Variants in KCNN2 observed in about 807,000 individuals in gnomAD.
KCNN2 encodes small conductance calcium-activated potassium channel protein 2.
Under a neutral mutation model 55.5 loss-of-function variants are expected in KCNN2, and 24 were observed. That is an observed-to-expected ratio of 0.43 (90% confidence interval 0.31 to 0.61). KCNN2 has a LOEUF of 0.61. Among genes scored for constraint, KCNN2 ranks in the 20% least tolerant of loss-of-function variants. KCNN2 has a pLI of 0.08. For missense variants in KCNN2, 754 were observed against 853.6 expected (o/e 0.88, Z 1.45); for synonymous variants, 431 against 336.1 (o/e 1.28, Z -3.09).
chr5:114,202,092 C>T (rs781605842), intron 1 of KCNN2, among the ~76,000 whole-genome samples: 3 of 152,036 alleles, frequency 2.0e-5, no homozygotes, highest in Non-Finnish European at 4.4e-5. Flanking sequence ...TTCCTGCCTC[C>T]GTGGAGGAAT....
At chr5:114,479,712 A>G (rs1346966113) in intron 5 of KCNN2, among the ~76,000 whole-genome samples, 1 of 152,170 alleles carries the variant, frequency 6.6e-6, no homozygotes, top group East Asian at 1.9e-4. Flanking sequence ...TTAGAACACA[A>G]GATCAAGAAT....
At chr5:114,191,855 C>T (rs1753457116) in intron 1 of KCNN2, among the ~76,000 whole-genome samples, 1 of 152,144 alleles carries the variant, frequency 6.6e-6, no homozygotes, top group Non-Finnish European at 1.5e-5. Context: ...TTCCTTTGAG[C>T]CATTCACCAT....
intron 2 of KCNN2, among the ~76,000 whole-genome samples, chr5:114,372,156 G>A (rs1308683519): frequency 6.6e-6 from 1 of 152,154 alleles, no homozygotes; most frequent in African/African-American, 2.4e-5. Context: ...CGTTTAAATT[G>A]GTGCTAGATT....
At chr5:114,276,476 A>T (rs1755490024) in intron 2 of KCNN2, among the ~76,000 whole-genome samples, 1 of 151,974 alleles carries the variant, frequency 6.6e-6, no homozygotes, top group Non-Finnish European at 1.5e-5. Flanking sequence ...GTCTCTTTTT[A>T]GGTCTCTAAG....
At chr5:114,399,786 G>A (rs1758728953) in intron 2 of KCNN2, among the ~76,000 whole-genome samples, 1 of 152,014 alleles carries the variant, frequency 6.6e-6, no homozygotes, top group Admixed American at 6.6e-5. Flanking sequence ...TTTGGAACTT[G>A]TTATTGGTCT....
chr5:114,378,054 T>A (rs1757995301), intron 2 of KCNN2, among the ~76,000 whole-genome samples: 1 of 152,174 alleles, frequency 6.6e-6, no homozygotes, highest in African/African-American at 2.4e-5. Flanking sequence ...AGCTGAAAGT[T>A]CTCGTAAGAG....
intron 2 of KCNN2, among the ~76,000 whole-genome samples, chr5:114,276,800 C>T (rs1755498748): frequency 1.3e-5 from 2 of 151,938 alleles, no homozygotes; most frequent in South Asian, 4.2e-4. Context: ...ATTTGCTTGT[C>T]AGTGTCTTTT....
At chr5:114,291,844 C>T (rs1755896137) in intron 2 of KCNN2, among the ~76,000 whole-genome samples, 1 of 152,182 alleles carries the variant, frequency 6.6e-6, no homozygotes, top group Non-Finnish European at 1.5e-5. Flanking sequence ...ACATCCTCTC[C>T]AGCACCTATT....
At chr5:114,360,456 A>C (rs1180734430), upstream of KCNN2, among the ~76,000 whole-genome samples, 1 of 152,224 alleles carries the variant, frequency 6.6e-6, no homozygotes, top group East Asian at 1.9e-4. Flanking sequence ...AACTCGTTGT[A>C]ATAGTCTTTA....
Position 114,128,259 on chromosome 5 carries a change from C to T in KCNN2, c.-271+71759C>T, listed in dbSNP as rs375662085. ...GAGGCTTAATTGACTCACAGTTCAG[C>T]GTGGCTGGGGAGGCCTCAGGAAATT... On this transcript the variant is annotated intron_variant, in intron 1 of 10. Coordinates refer to the KCNN2 transcript ENST00000512097. Among the ~76,000 whole-genome samples the T allele has an allele frequency of 2.8e-4, 42 of 152,214 alleles. No homozygotes were observed. The East Asian group carries it at 5.4e-3, about 20-fold the overall frequency.
At chr5:114,261,911 T>C (rs1482872969) in intron 2 of KCNN2, among the ~76,000 whole-genome samples, 4 of 152,128 alleles carry the variant, frequency 2.6e-5, no homozygotes, top group Admixed American at 6.6e-5. Flanking sequence ...ATTGCCTTGG[T>C]TGGTCAATAA....
rs569164692 is a variant in KCNN2 at position 114,148,134 on chromosome 5, A to G, written c.-270-73346A>G. 2.0e-5 allele frequency among the ~76,000 whole-genome samples: 3 copies of G among 152,312 alleles called. No homozygotes were observed. In the East Asian group the frequency reaches 5.8e-4, roughly 29 times the overall value. ...TCTAGCTGTAGGAGCTGAATTGTTA[A>G]TGGAAGGTATAGTGAGAGCAAATTT... On this transcript the variant is annotated intron_variant, in intron 1 of 10. Coordinates refer to the KCNN2 transcript ENST00000512097.
intron 4 of KCNN2, among the ~76,000 whole-genome samples, chr5:114,468,961 C>A (rs1315175317): frequency 6.6e-6 from 1 of 152,122 alleles, no homozygotes; most frequent in South Asian, 2.1e-4. Flanking sequence ...TTATGTGATA[C>A]ATGCTTTTGA....
chr5:114,264,212 A>T (rs984154962), intron 2 of KCNN2, among the ~76,000 whole-genome samples: 1 of 152,056 alleles, frequency 6.6e-6, no homozygotes, highest in Admixed American at 6.5e-5. Context: ...ATGACTCTGT[A>T]TGCATGTTCT....
At chr5:114,365,959 A>C (rs1340752105) in intron 2 of KCNN2, among the ~76,000 whole-genome samples, 1 of 152,236 alleles carries the variant, frequency 6.6e-6, no homozygotes, top group Admixed American at 6.5e-5. Flanking sequence ...CATCAAAAAC[A>C]AAGTGTCTTG....
intron 3 of KCNN2, among the ~76,000 whole-genome samples, chr5:114,454,759 C>T (rs527741242): frequency 1.5e-4 from 23 of 152,282 alleles, no homozygotes; most frequent in Non-Finnish European, 2.8e-4. Flanking sequence ...CAGGTACGTG[C>T]GTATCCATCA....
At chr5:114,258,877 T>TGATGC (rs976515422) in intron 2 of KCNN2, among the ~76,000 whole-genome samples, 8 of 152,320 alleles carry the variant, frequency 5.3e-5, no homozygotes, top group Non-Finnish European at 7.4e-5. Context: ...GCAAGAACAC[T>TGATGC]GATGCTCCAT....
intron 3 of KCNN2, among the ~76,000 whole-genome samples, chr5:114,416,558 G>A (rs1003988773): frequency 3.3e-5 from 5 of 152,148 alleles, no homozygotes; most frequent in African/African-American, 7.2e-5. Context: ...ACAGGTCATA[G>A]GGATGTGGCA....
intron 2 of KCNN2, among the ~76,000 whole-genome samples, chr5:114,284,929 A>G (rs1755705162): frequency 6.6e-6 from 1 of 152,248 alleles, no homozygotes; most frequent in African/African-American, 2.4e-5. Context: ...TGTGAAAAAA[A>G]TAAATTTCTG....
Sources: allele counts gnomAD v4.1 joint callset (sites outside exome capture counted in the v4.1 genomes callset), GRCh38; gene constraint gnomAD v4.1.1; transcripts MANE v1.5; gene names NCBI Gene and HGNC (gene_info 2026-07-23, HGNC 2026-07-21).